ASIC2: variants seen among roughly 807,000 people sequenced by gnomAD.
ASIC2 encodes the protein acid sensing ion channel subunit 2.
A neutral mutation model predicts 57.3 loss-of-function variants in ASIC2; 25 were observed. That is an observed-to-expected ratio of 0.44 (90% CI 0.32 to 0.61). The LOEUF is 0.61. Among genes scored for constraint, ASIC2 ranks in the 20% least tolerant of loss-of-function variants. ASIC2 has a pLI of 0.06. For missense variants in ASIC2, 641 were observed against 738.1 expected, an observed-to-expected ratio of 0.87 and a Z score of 1.52; for synonymous variants, 319 against 307.5, an observed-to-expected ratio of 1.04 and a Z score of -0.39.
chr17:33,172,569 C>T (rs1905565559), intron 1 of ASIC2, among the ~76,000 whole-genome samples: 1 of 152,196 alleles, frequency 6.6e-6, no homozygotes, highest in Admixed American at 6.5e-5. Flanking sequence ...GGACAGCCAC[C>T]TTGCCACTAG....
intron 1 of ASIC2, among the ~76,000 whole-genome samples, chr17:33,566,914 G>C (rs1007985412): frequency 2.0e-5 from 3 of 151,988 alleles, no homozygotes; most frequent in African/African-American, 4.8e-5. Flanking sequence ...TTCCTGCCTT[G>C]GTTTGTGCTA....
chr17:33,837,118 T>C (rs953690083), intron 1 of ASIC2, among the ~76,000 whole-genome samples: 6 of 152,172 alleles, frequency 3.9e-5, no homozygotes, highest in Non-Finnish European at 8.8e-5. Flanking sequence ...TTTCTGGGCT[T>C]CCTGAACTCT....
At chr17:33,381,787 A>C (rs1206603878) in intron 1 of ASIC2, among the ~76,000 whole-genome samples, 4 of 151,998 alleles carry the variant, frequency 2.6e-5, no homozygotes, top group Non-Finnish European at 4.4e-5. Flanking sequence ...TCAAATCCCA[A>C]CTCCTCCATT....
At chr17:33,085,458 A>G (rs1310904881) in intron 3 of ASIC2, among the ~76,000 whole-genome samples, 2 of 152,262 alleles carry the variant, frequency 1.3e-5, no homozygotes, top group African/African-American at 4.8e-5. Flanking sequence ...TCAACTGGAT[A>G]GATTTGCATA....
At chr17:33,798,840 GTCA>G (rs1911996927) in intron 1 of ASIC2, among the ~76,000 whole-genome samples, 2 of 152,270 alleles carry the variant, frequency 1.3e-5, no homozygotes, top group South Asian at 4.1e-4. Flanking sequence ...GTTTGCAATG[GTCA>G]GGGGAAAATG....
chr17:33,069,785 T>C (rs1038939676), intron 3 of ASIC2, among the ~76,000 whole-genome samples: 1 of 152,258 alleles, frequency 6.6e-6, no homozygotes. Flanking sequence ...TTTCTTTTTT[T>C]AATCCAGTTT....
At chr17:33,762,539 T>C (rs1910815693) in intron 1 of ASIC2, among the ~76,000 whole-genome samples, 1 of 152,156 alleles carries the variant, frequency 6.6e-6, no homozygotes, top group Non-Finnish European at 1.5e-5. Context: ...GAAGTGGTGA[T>C]ACCAGTGGTT....
chr17:33,551,216 T>C (rs1915742556), intron 1 of ASIC2, among the ~76,000 whole-genome samples: 2 of 152,206 alleles, frequency 1.3e-5, no homozygotes, highest in Non-Finnish European at 2.9e-5. Flanking sequence ...TGATCTAGCA[T>C]TATGAAAATG....
intron 1 of ASIC2, among the ~76,000 whole-genome samples, chr17:33,967,661 T>C (rs1165240513): frequency 6.6e-6 from 1 of 152,230 alleles, no homozygotes; most frequent in African/African-American, 2.4e-5. Flanking sequence ...TCTTAATCTA[T>C]TTCTCCCTCT....
intron 1 of ASIC2, among the ~76,000 whole-genome samples, chr17:33,700,823 T>C (rs1458685036): frequency 6.6e-6 from 1 of 152,168 alleles, no homozygotes; most frequent in African/African-American, 2.4e-5. Context: ...GGAGGGTCCA[T>C]GGATGAAGGT....
At chr17:33,658,201 C>G (rs1036946251) in intron 1 of ASIC2, among the ~76,000 whole-genome samples, 2 of 152,164 alleles carry the variant, frequency 1.3e-5, no homozygotes, top group African/African-American at 2.4e-5. Flanking sequence ...AAAAGCAAGA[C>G]AAGACAACTA....
intron 1 of ASIC2, among the ~76,000 whole-genome samples, chr17:33,166,124 G>C (rs1905298753): frequency 1.3e-5 from 2 of 152,126 alleles, no homozygotes; most frequent in Non-Finnish European, 1.5e-5. Flanking sequence ...AATTTATAAA[G>C]TACTTCTGTC....
At chr17:33,413,568 G>A (rs755847890) in intron 1 of ASIC2, among the ~76,000 whole-genome samples, 20 of 152,258 alleles carry the variant, frequency 1.3e-4, no homozygotes, top group African/African-American at 3.4e-4. Context: ...ACAAGGCCTC[G>A]CCTAGGCCCT....
At chr17:34,077,569 A>G (rs1002369715) in intron 1 of ASIC2, among the ~76,000 whole-genome samples, 22 of 152,206 alleles carry the variant, frequency 1.4e-4, no homozygotes. Flanking sequence ...TGCAGCCTTC[A>G]CTGTCAGAAT....
Position 33,746,138 on chromosome 17 carries a change from A to G in ASIC2, c.555+409840T>C, listed in dbSNP as rs528078006. On this transcript the variant is annotated intron_variant, in intron 1 of 9. Coordinates refer to the ASIC2 transcript ENST00000359872. Reference sequence around the variant, plus strand: ...AATTCTGGAGTTGAAAACCAAATCAATGAAAATGAAAAAGAGAATATGAAG... The same window carrying G: ...AATTCTGGAGTTGAAAACCAAATCAGTGAAAATGAAAAAGAGAATATGAAG... 4.3e-4 allele frequency among the ~76,000 whole-genome samples: 66 copies of G among 151,978 alleles called. 1 individual carries two copies. Among genetic ancestry groups the G allele is most frequent in the African/African-American group, 1.4e-3 (58 of 41,540 alleles).
chr17:33,607,000 G>A (rs1279642055), intron 1 of ASIC2, among the ~76,000 whole-genome samples: 1 of 152,204 alleles, frequency 6.6e-6, no homozygotes, highest in Non-Finnish European at 1.5e-5. Flanking sequence ...GAACAGCAGA[G>A]CTATTCTCTG....
intron 1 of ASIC2, among the ~76,000 whole-genome samples, chr17:33,342,794 A>G (rs1907779730): frequency 1.3e-5 from 2 of 152,174 alleles, no homozygotes; most frequent in Non-Finnish European, 2.9e-5. Context: ...CTGCCCCTCC[A>G]CACCTCCTCA....
chr17:33,552,541 A>G (rs1032445160), intron 1 of ASIC2, among the ~76,000 whole-genome samples: 2 of 152,218 alleles, frequency 1.3e-5, no homozygotes, highest in Admixed American at 6.5e-5. Context: ...CAGCTCTTGC[A>G]CTTTCTGACA....
intron 1 of ASIC2, chr17:33,291,152 G>T: frequency 1.5e-6 from 1 of 664,678 alleles, no homozygotes; most frequent in Non-Finnish European, 2.3e-6. Flanking sequence ...AGGGCTTTGG[G>T]GGCTGACACT....
Sources: gnomAD v4.1 joint callset for allele counts (sites outside exome capture counted in the v4.1 genomes callset) on GRCh38, gnomAD v4.1.1 for gene constraint, MANE v1.5 for transcripts, NCBI Gene and HGNC (gene_info 2026-07-23, HGNC 2026-07-21) for gene names.